Variants in BNC2 observed in about 807,000 individuals in gnomAD.
The protein encoded by BNC2 is basonuclin zinc finger protein 2, also known as zinc finger protein basonuclin-2.
Under a neutral mutation model 76.3 loss-of-function variants are expected in BNC2, and 20 were observed. That is an observed-to-expected ratio of 0.26 (90% confidence interval 0.18 to 0.38). The LOEUF is 0.38. Ranked by LOEUF, BNC2 falls within the 10% of genes least tolerant of loss-of-function variation. The pLI is 1.00. For missense variants in BNC2, 1,382 were observed against 1,399.8 expected (o/e 0.99, Z 0.20); for synonymous variants, 582 against 514.8 (o/e 1.13, Z -1.77).
At chr9:16,679,905 C>T (rs200407737) in intron 3 of BNC2, among the ~76,000 whole-genome samples, 1 of 152,234 alleles carries the variant, frequency 6.6e-6, no homozygotes, top group East Asian at 1.9e-4. Flanking sequence ...TGAGTGCCTA[C>T]CATGGCGTCA....
At chr9:16,662,843 A>C (rs1822150002) in intron 3 of BNC2, among the ~76,000 whole-genome samples, 1 of 152,206 alleles carries the variant, frequency 6.6e-6, no homozygotes, top group Admixed American at 6.5e-5. Context: ...CTCTAGAAAC[A>C]CCATTCTTAA....
chr9:16,629,938 G>C lies in BNC2; in HGVS notation c.331-46853C>G, dbSNP rs537329123. ...CTACTCATAAAATAGACGGTTTGCC[G>C]CATCAATTGACTCTTCCATTCAGAA... is the stretch of plus-strand genomic sequence containing the variant. On this transcript the variant is annotated intron_variant, in intron 3 of 6. Coordinates refer to ENST00000380672, the MANE Select transcript of BNC2 (RefSeq NM_017637.6). Among the ~76,000 whole-genome samples, 12 of 152,250 alleles carry C rather than the reference G, an allele frequency of 7.9e-5. No individual in the cohort carries two copies. The South Asian group carries it at 2.5e-3, about 32-fold the overall frequency.
At chr9:16,517,216 A>G (rs1287716048) in intron 5 of BNC2, among the ~76,000 whole-genome samples, 1 of 152,180 alleles carries the variant, frequency 6.6e-6, no homozygotes, top group Non-Finnish European at 1.5e-5. Context: ...CAGTTGGAGG[A>G]GGGCAACTTG....
intron 3 of BNC2, among the ~76,000 whole-genome samples, chr9:16,667,319 G>A (rs879851587): frequency 3.3e-5 from 5 of 152,020 alleles, no homozygotes; most frequent in South Asian, 4.1e-4. Context: ...AAATTTAACC[G>A]GCCTATACAA....
intron 5 of BNC2, among the ~76,000 whole-genome samples, chr9:16,523,249 A>C (rs978307256): frequency 3.9e-5 from 6 of 152,016 alleles, no homozygotes; most frequent in African/African-American, 1.4e-4. Context: ...AGGTGGGTGG[A>C]TCATGAAGTC....
chr9:16,809,181 C>T (rs920560360), intron 1 of BNC2, among the ~76,000 whole-genome samples: 13 of 152,080 alleles, frequency 8.5e-5, no homozygotes, highest in African/African-American at 1.9e-4. Context: ...CTTGTCTCAG[C>T]GCTGCATGTG....
intron 5 of BNC2, among the ~76,000 whole-genome samples, chr9:16,490,317 C>A (rs577443157): frequency 5.3e-5 from 8 of 152,084 alleles, no homozygotes; most frequent in South Asian, 2.1e-4. Context: ...CCCTGATAAA[C>A]CCATCAGATC....
intron 3 of BNC2, among the ~76,000 whole-genome samples, chr9:16,628,146 A>G (rs1375934129): frequency 1.3e-5 from 2 of 152,216 alleles, no homozygotes; most frequent in Admixed American, 1.3e-4. Flanking sequence ...CCGCAAGTAC[A>G]GTAAGTACTA....
intron 6 of BNC2, chr9:16,435,031 T>C (rs1157495799): frequency 1.1e-5 from 5 of 471,418 alleles, no homozygotes; most frequent in Admixed American, 2.3e-5. Flanking sequence ...TTACTGGTTA[T>C]ACCTACGGAG....
intron 1 of BNC2, among the ~76,000 whole-genome samples, chr9:16,751,642 GTATGTGTGTA>G (rs1825204910): frequency 4.6e-4 from 2 of 4,318 alleles, no homozygotes; most frequent in Non-Finnish European, 1.7e-3. Context: ...ATGTATATAT[GTATGTGTGTA>G]TATATATATG....
chr9:16,868,184 G>C (rs1226989228), intron 1 of BNC2: 1 of 152,162 alleles, frequency 6.6e-6, no homozygotes, highest in Non-Finnish European at 1.5e-5. Flanking sequence ...GCAGATAAAA[G>C]TAATCAAATG....
At chr9:16,575,208 T>C (rs1373527714) in intron 4 of BNC2, 2 of 961,282 alleles carry the variant, frequency 2.1e-6, no homozygotes, top group Non-Finnish European at 2.5e-6. Context: ...GCGACGTGAA[T>C]GTAAACAGTC....
At chr9:16,614,141 G>T (rs1427127914) in intron 3 of BNC2, among the ~76,000 whole-genome samples, 2 of 152,144 alleles carry the variant, frequency 1.3e-5, no homozygotes, top group Non-Finnish European at 2.9e-5. Context: ...ACCCAAAAAT[G>T]TTAAATTTCA....
intron 2 of BNC2, among the ~76,000 whole-genome samples, chr9:16,731,474 C>A (rs910841071): frequency 6.6e-6 from 1 of 152,006 alleles, no homozygotes; most frequent in African/African-American, 2.4e-5. Flanking sequence ...TAGAAATATA[C>A]TTACACAAAG....
rs374828189 is a variant in BNC2 at position 16,813,952 on chromosome 9, C to T, written c.3+56694G>A. Among the ~76,000 whole-genome samples the T allele has an allele frequency of 7.9e-5, 12 of 152,162 alleles. No individual in the cohort carries two copies. The South Asian group carries it at 1.0e-3, about 13-fold the overall frequency. ...GTCACAATCGAGACTGTTAAAATGA[C>T]AACTAATCTCTGAGACTCCATAACC... On this transcript the variant is annotated intron_variant, in intron 1 of 6. Transcript: ENST00000380672.
Position 16,702,808 on chromosome 9 carries a change from A to T in BNC2, c.330+24989T>A, listed in dbSNP as rs78676062. On this transcript the variant is annotated intron_variant, in intron 3 of 6. Transcript: ENST00000380672. ...CATTTTCCTGACAATCTGTAAGCTA[A>T]ATGTCCTTTTCCCCATTTTAAAAGC... 2.9e-3 allele frequency among the ~76,000 whole-genome samples: 439 copies of T among 152,300 alleles called. 3 individuals carry two copies. Among genetic ancestry groups the T allele is most frequent in the African/African-American group, 0.01 (424 of 41,566 alleles).
chr9:16,596,516 A>T (rs1434207841), intron 3 of BNC2, among the ~76,000 whole-genome samples: 1 of 152,112 alleles, frequency 6.6e-6, no homozygotes, highest in Non-Finnish European at 1.5e-5. Flanking sequence ...TCTTTACACC[A>T]TTTGTTTGTG....
At chr9:16,642,179 T>C (rs1563876849) in intron 3 of BNC2, among the ~76,000 whole-genome samples, 1 of 152,202 alleles carries the variant, frequency 6.6e-6, no homozygotes, top group African/African-American at 2.4e-5. Flanking sequence ...ACACCTAATA[T>C]AATACAAGTT....
At chr9:16,788,360 T>C (rs368500228) in intron 1 of BNC2, among the ~76,000 whole-genome samples, 5 of 151,866 alleles carry the variant, frequency 3.3e-5, no homozygotes, top group East Asian at 2.0e-4. Context: ...GAGACCATCC[T>C]GGCTAACATG....
Sources: gnomAD v4.1 joint callset for allele counts (sites outside exome capture counted in the v4.1 genomes callset) on GRCh38, gnomAD v4.1.1 for gene constraint, MANE v1.5 for transcripts, NCBI Gene and HGNC (gene_info 2026-07-23, HGNC 2026-07-21) for gene names.